Variants in TNKS observed in about 807,000 individuals in gnomAD.
TNKS encodes the protein poly [ADP-ribose] polymerase tankyrase-1.
In TNKS, 72 loss-of-function variants were observed where a neutral mutation model predicts 135.8. That is an observed-to-expected ratio of 0.53 (90% CI 0.44 to 0.64). The LOEUF is 0.64. TNKS is among the 30% of genes least tolerant of loss of function. The pLI is 0.00. For missense variants in TNKS, 1,769 were observed against 1,674.0 expected (o/e 1.06, Z -0.99); for synonymous variants, 849 against 649.3 (o/e 1.31, Z -4.68).
intron 5 of TNKS, among the ~76,000 whole-genome samples, chr8:9,687,699 C>G (rs1316766502): frequency 6.6e-6 from 1 of 152,138 alleles, no homozygotes; most frequent in Admixed American, 6.5e-5. Flanking sequence ...TAGCCACTCT[C>G]CTAGCTTTGA....
chr8:9,755,093 A>G (rs1365571326), intron 20 of TNKS, among the ~76,000 whole-genome samples: 1 of 152,196 alleles, frequency 6.6e-6, no homozygotes, highest in Non-Finnish European at 1.5e-5. Context: ...TTACTGATGA[A>G]AGTTTTCTAA....
At chr8:9,761,739 C>T (rs113050170) in intron 21 of TNKS, 103 bp downstream of exon 21, 5 of 1,227,438 alleles carry the variant, frequency 4.1e-6, no homozygotes, top group Non-Finnish European at 5.6e-6. Context: ...GAACCATACA[C>T]TGAACTATTG....
chr8:9,640,205 A>T (rs1201648293), intron 3 of TNKS, among the ~76,000 whole-genome samples: 1 of 152,194 alleles, frequency 6.6e-6, no homozygotes. Flanking sequence ...TTTATTTCTC[A>T]CAATTTCTCA....
chr8:9,577,493 C>T (rs915224365), intron 1 of TNKS, among the ~76,000 whole-genome samples: 10 of 151,830 alleles, frequency 6.6e-5, no homozygotes, highest in Admixed American at 2.0e-4. Context: ...ACAGTCGTGA[C>T]GGGAGGTGAA....
intron 11 of TNKS, 196 bp downstream of exon 11, chr8:9,710,416 G>A: frequency 3.3e-6 from 2 of 609,660 alleles, no homozygotes; most frequent in Non-Finnish European, 5.8e-6. Context: ...CGTGTTTCTT[G>A]ATCCTTTAAT....
chr8:9,594,095 C>T (rs1036207208), intron 2 of TNKS, among the ~76,000 whole-genome samples: 16 of 152,074 alleles, frequency 1.1e-4, no homozygotes, highest in Admixed American at 9.8e-4. Flanking sequence ...CCATTTTGGC[C>T]GGGCTGGTCT....
rs1350806701 is a variant in TNKS at position 9,758,445 on chromosome 8, TGTAA to T, written c.3154-3067_3154-3064del. Among the ~76,000 whole-genome samples, 28 of 152,238 alleles carry T rather than the reference TGTAA, an allele frequency of 1.8e-4. 1 individual carries two copies. The highest frequency in any genetic ancestry group is 2.5e-4 in the Non-Finnish European group (17 of 68,040). ...TTCATATGCATTCCTTTTGTGTGAC[TGTAA>T]GTATCTAATTGGATAAATGCCAAGA... On this transcript the variant is annotated intron_variant, in intron 20 of 26. Coordinates refer to ENST00000310430, the MANE Select transcript of TNKS (RefSeq NM_003747.3).
In TNKS at chr8:9,710,233, C is replaced by T. The variant is rs371701465; in HGVS notation, c.1749+13C>T. The stretch of plus-strand genomic sequence containing the variant: ...GCATGGCGCCAAGGTGAGGCACACA[C>T]CTGAGCAGAGTGCCAGACTCAGCAC... On this transcript the variant is annotated intron_variant, in intron 11 of 26. Coordinates refer to ENST00000310430, the MANE Select transcript of TNKS (RefSeq NM_003747.3). 1.6e-5 allele frequency: 26 copies of T among 1,613,426 alleles called. No homozygotes were observed. Among genetic ancestry groups the T allele is most frequent in the Non-Finnish European group, 2.1e-5 (25 of 1,179,486 alleles).
chr8:9,610,286 TAA>T (rs1043214255), intron 2 of TNKS, among the ~76,000 whole-genome samples: 1 of 141,114 alleles, frequency 7.1e-6, no homozygotes, highest in Non-Finnish European at 1.5e-5. Flanking sequence ...AAAGAGTTTT[TAA>T]AAAATCTATA....
chr8:9,762,481 T>A (rs1366567753), intron 21 of TNKS, among the ~76,000 whole-genome samples: 1 of 148,550 alleles, frequency 6.7e-6, no homozygotes, highest in East Asian at 2.0e-4. Flanking sequence ...GATCTGACTA[T>A]ATTGTGATGT....
At chr8:9,772,227 G>A (rs1807948566) in intron 26 of TNKS, 2 of 360,308 alleles carry the variant, frequency 5.6e-6, no homozygotes, top group Admixed American at 7.4e-5. Flanking sequence ...ATATTTGCGT[G>A]GTTTTCTTAT....
intron 3 of TNKS, among the ~76,000 whole-genome samples, chr8:9,632,451 C>T (rs1800327363): frequency 6.6e-6 from 1 of 152,074 alleles, no homozygotes; most frequent in South Asian, 2.1e-4. Flanking sequence ...AGCAATTAAG[C>T]ATTAATACAA....
At chr8:9,689,503 AT>A (rs1001086876) in intron 5 of TNKS, among the ~76,000 whole-genome samples, 33 of 151,892 alleles carry the variant, frequency 2.2e-4, no homozygotes, top group African/African-American at 5.6e-4. Flanking sequence ...TATAAAAAAA[AT>A]GCTTTAATTT....
intron 2 of TNKS, among the ~76,000 whole-genome samples, chr8:9,587,397 A>ATT (rs71201955): frequency 3.5e-4 from 50 of 141,402 alleles, no homozygotes; most frequent in Admixed American, 6.4e-4. Flanking sequence ...CGACACCTTG[A>ATT]TTTTTTTTTT....
At chr8:9,763,785 C>G (rs1219409145) in intron 22 of TNKS, among the ~76,000 whole-genome samples, 2 of 152,158 alleles carry the variant, frequency 1.3e-5, no homozygotes, top group African/African-American at 4.8e-5. Context: ...GACTCCTGCT[C>G]CACTGACGGC....
At chr8:9,665,721 C>G (rs1000544349) in intron 3 of TNKS, among the ~76,000 whole-genome samples, 4 of 152,190 alleles carry the variant, frequency 2.6e-5, no homozygotes, top group Middle Eastern at 3.2e-3. Flanking sequence ...GTCTCTTTCT[C>G]TGGATACTGG....
intron 4 of TNKS, 66 bp downstream of exon 4, chr8:9,680,053 G>A: frequency 8.3e-7 from 1 of 1,205,280 alleles, no homozygotes. Flanking sequence ...AGGGCAGGTG[G>A]AGGACTATAA....
chr8:9,598,765 G>GTATATATATATATA (rs71201956), intron 2 of TNKS, among the ~76,000 whole-genome samples: 1 of 49,626 alleles, frequency 2.0e-5, no homozygotes, highest in African/African-American at 7.2e-5. Context: ...ATGTGTGTGT[G>GTATATATATATATA]TATATATATA....
intron 5 of TNKS, among the ~76,000 whole-genome samples, chr8:9,684,368 AGG>A (rs1802901358): frequency 6.6e-6 from 1 of 152,072 alleles, no homozygotes; most frequent in African/African-American, 2.4e-5. Flanking sequence ...AATTTTCGTA[AGG>A]ATACCTTTTA....
Sources: gnomAD v4.1 joint callset for allele counts (sites outside exome capture counted in the v4.1 genomes callset) on GRCh38, gnomAD v4.1.1 for gene constraint, MANE v1.5 for transcripts, NCBI Gene and HGNC (gene_info 2026-07-23, HGNC 2026-07-21) for gene names.